KDM2B: variants seen among roughly 807,000 people sequenced by gnomAD.
KDM2B encodes the protein lysine demethylase 2B.
In KDM2B, 26 loss-of-function variants were observed where a neutral mutation model predicts 150.0. The ratio of observed to expected loss-of-function variants is 0.17; its 90% CI spans 0.13 to 0.24. The LOEUF is 0.24. KDM2B is among the 10% of genes least tolerant of loss of function. The pLI is 1.00. For missense variants in KDM2B, 1,265 were observed against 1,816.9 expected, an observed-to-expected ratio of 0.70 and a Z score of 5.52; for synonymous variants, 734 against 729.5, an observed-to-expected ratio of 1.01 and a Z score of -0.10.
chr12:121,565,231 T>C (rs944693792), intron 4 of KDM2B, among the ~76,000 whole-genome samples: 1 of 151,916 alleles, frequency 6.6e-6, no homozygotes, highest in Admixed American at 6.6e-5. Flanking sequence ...GGCTTCATAA[T>C]AGACACACCA....
chr12:121,455,481 T>G (rs540770566), intron 12 of KDM2B, among the ~76,000 whole-genome samples: 1 of 152,128 alleles, frequency 6.6e-6, no homozygotes, highest in South Asian at 2.1e-4. Flanking sequence ...GGGTCTGAGG[T>G]GGGAGGATCA....
At chr12:121,579,017 C>G in intron 1 of KDM2B, 71 bp from the exon 2 acceptor site, 1 of 1,514,836 alleles carries the variant, frequency 6.6e-7, no homozygotes, top group Admixed American at 1.8e-5. Flanking sequence ...AACCTGGGCC[C>G]AGCACTAACA....
At chr12:121,574,959 TC>T (rs1187441875) in intron 3 of KDM2B, among the ~76,000 whole-genome samples, 1 of 152,132 alleles carries the variant, frequency 6.6e-6, no homozygotes, top group Non-Finnish European at 1.5e-5. Flanking sequence ...TCTCTATGTC[TC>T]TTTCTCCCTC....
At chr12:121,563,600 C>A (rs1489963357) in intron 4 of KDM2B, among the ~76,000 whole-genome samples, 6 of 150,374 alleles carry the variant, frequency 4.0e-5, no homozygotes, top group Non-Finnish European at 7.4e-5. Flanking sequence ...GAGTGAGACT[C>A]TGCCAAAAAA....
At position 121,581,019 on chromosome 12, in the gene KDM2B, C is replaced by T; in HGVS notation, c.-108G>A. 2.1e-6 allele frequency: 3 copies of T among 1,445,088 alleles called. No individual in the cohort carries two copies. Among genetic ancestry groups the T allele is most frequent in the African/African-American group, 1.4e-5 (1 of 70,470 alleles). 89.5% of individuals were successfully genotyped at this position (1,445,088 alleles called of 1,614,324 possible). ...GCACTCAAAGATGTGGACACACACA[C>T]GTACAGGAAATACAGCCAGACCAGA... On this transcript the variant is annotated 5_prime_UTR_variant, in exon 1 of 23. It adds an upstream start codon to the 5' untranslated region. Transcript: ENST00000377071.
intron 9 of KDM2B, among the ~76,000 whole-genome samples, chr12:121,517,958 T>C (rs138961665): frequency 0.014 from 2,101 of 152,052 alleles, 48 homozygotes; most frequent in African/African-American, 0.048. Flanking sequence ...AGTGGTGCGA[T>C]CTCAGCTCAC....
rs1555288731 is a variant in KDM2B, at chr12:121,442,548, G to T, written c.2893C>A (p.Leu965Met). 2 of 1,600,110 alleles carry T rather than the reference G, an allele frequency of 1.2e-6. No individual in the cohort carries two copies. Among genetic ancestry groups the T allele is most frequent in the Admixed American group, 3.3e-5 (2 of 60,024 alleles). ...ATGGGCTGCTGGTTCTCGTTGGCCAGGCTGTTCTCCGTCCTCTGGATCTCG... is the reference window on the plus strand; with the variant it reads ...ATGGGCTGCTGGTTCTCGTTGGCCATGCTGTTCTCCGTCCTCTGGATCTCG... ...NHEIQRTENS[L>M]ANENQQPIKS... The change falls in exon 19 of 23, where the codon CTG (leucine) becomes ATG (methionine). Residue 965 changes from leucine to methionine, a missense_variant. Physicochemically the swap from Leu to Met is conservative, Grantham distance 15 (BLOSUM62 2). Coordinates refer to ENST00000377071, the MANE Select transcript of KDM2B (RefSeq NM_032590.5). This position sits in a 1 kb window ranked among gnomAD's most constrained non-coding sequence, Gnocchi z 7.7.
chr12:121,465,024 C>T (rs1053269265), intron 12 of KDM2B, among the ~76,000 whole-genome samples: 6 of 152,036 alleles, frequency 3.9e-5, no homozygotes, highest in African/African-American at 1.2e-4. Context: ...GTTGGGACTA[C>T]GAGACAAGCC....
At chr12:121,432,279 A>G (rs1555285753) in intron 22 of KDM2B, among the ~76,000 whole-genome samples, 1 of 152,210 alleles carries the variant, frequency 6.6e-6, no homozygotes, top group East Asian at 1.9e-4. Flanking sequence ...CTTACTGCAA[A>G]ATCCAATGAT....
intron 22 of KDM2B, among the ~76,000 whole-genome samples, chr12:121,438,061 C>G (rs1183799331): frequency 6.6e-6 from 1 of 151,854 alleles, no homozygotes; most frequent in Non-Finnish European, 1.5e-5. Context: ...TGAGGCCAGC[C>G]TGGCCAACAT....
chr12:121,410,117 G>A, the KDM2B span, among the ~76,000 whole-genome samples: 3 of 151,792 alleles, frequency 2.0e-5, no homozygotes, highest in Non-Finnish European at 4.4e-5. Flanking sequence ...TCGTGCCATC[G>A]CACTCCAACC....
chr12:121,504,671 G>T (rs545437521), intron 11 of KDM2B, among the ~76,000 whole-genome samples: 18 of 152,280 alleles, frequency 1.2e-4, no homozygotes, highest in Admixed American at 8.5e-4. Flanking sequence ...TGATAAAAAG[G>T]TTCTGGAATA....
intron 7 of KDM2B, among the ~76,000 whole-genome samples, chr12:121,534,160 T>G (rs112891866): frequency 6.6e-6 from 1 of 152,008 alleles, no homozygotes; most frequent in Non-Finnish European, 1.5e-5. Context: ...CCATCCTGGC[T>G]AACACGGTGA....
the KDM2B span, among the ~76,000 whole-genome samples, chr12:121,414,838 A>G: frequency 2.6e-5 from 4 of 152,220 alleles, no homozygotes; most frequent in Non-Finnish European, 5.9e-5. Flanking sequence ...TCATGCCTGT[A>G]ATCCCAGCAC....
At chr12:121,423,050 T>C in the KDM2B span, among the ~76,000 whole-genome samples, 19 of 152,344 alleles carry the variant, frequency 1.2e-4, no homozygotes, top group Middle Eastern at 6.8e-3. The surrounding 1 kb of genome is among the most constrained non-coding windows in gnomAD (Gnocchi z 4.3). Flanking sequence ...GAAGACCAGC[T>C]GAGGGTTTCT....
At chr12:121,420,406 T>C in the KDM2B span, 1 of 1,552,902 alleles carries the variant, frequency 6.4e-7, no homozygotes, top group African/African-American at 1.4e-5. Context: ...CCTGTGGACA[T>C]TCGCTAGATT....
At chr12:121,579,511 C>G in intron 1 of KDM2B, 1 of 1,109,602 alleles carries the variant, frequency 9.0e-7, no homozygotes, top group South Asian at 1.3e-5. Flanking sequence ...CGCCCGCCCG[C>G]CAGTGCAAGA....
Position 121,429,366 on chromosome 12 carries a change from G to A in KDM2B, c.*922C>T, listed in dbSNP as rs1872695591. On this transcript the variant is annotated 3_prime_UTR_variant, in exon 23 of 23. Coordinates refer to ENST00000377071, the MANE Select transcript of KDM2B (RefSeq NM_032590.5). ...TCAGAGGAGAGAAGCAAAAGCAAAA[G>A]AAAGGCTATGTGGGAGCATTTATTC... 6.5e-6 allele frequency: 1 copy of A among 152,692 alleles called. No homozygotes were observed. The highest frequency in any genetic ancestry group is 2.4e-5 in the African/African-American group (1 of 41,450). 9.5% of individuals were successfully genotyped at this position (152,692 alleles called of 1,614,324 possible). A position where few individuals can be genotyped will look rare whatever the true frequency, so the allele number is the denominator to read the frequency against.
chr12:121,431,214 C>T (rs1555285431), intron 22 of KDM2B, among the ~76,000 whole-genome samples: 2 of 151,932 alleles, frequency 1.3e-5, no homozygotes, highest in Admixed American at 6.6e-5. Flanking sequence ...TCACTGCAAC[C>T]TCCGCCTCCC....
Sources: allele counts gnomAD v4.1 joint callset (sites outside exome capture counted in the v4.1 genomes callset), GRCh38; gene constraint gnomAD v4.1.1; non-coding constraint Gnocchi (gnomAD v3.1); transcripts MANE v1.5; gene names NCBI Gene and HGNC (gene_info 2026-07-23, HGNC 2026-07-21).